RERE: variants seen among roughly 807,000 people sequenced by gnomAD.
The protein encoded by RERE is arginine-glutamic acid dipeptide repeats protein.
Under a neutral mutation model 146.1 loss-of-function variants are expected in RERE, and 40 were observed. The observed-to-expected ratio is 0.27, with a 90% CI of 0.21 to 0.36. The LOEUF is 0.36. RERE is among the 10% of genes least tolerant of loss of function. RERE has a pLI of 1.00. For missense variants in RERE, 1,933 were observed against 2,138.7 expected, an observed-to-expected ratio of 0.90 and a Z score of 1.90; for synonymous variants, 1,003 against 866.0, an observed-to-expected ratio of 1.16 and a Z score of -2.78.
chr1:8,424,340 G>GT (rs918434387), intron 11 of RERE: 2 of 152,288 alleles, frequency 1.3e-5, no homozygotes, highest in Admixed American at 1.3e-4. Context: ...CACTCCCTGT[G>GT]TTTGAGACCC....
chr1:8,727,157 G>A (rs556122864), intron 1 of RERE, among the ~76,000 whole-genome samples: 1 of 149,206 alleles, frequency 6.7e-6, no homozygotes, highest in South Asian at 2.1e-4. Context: ...GGCGCGGGGT[G>A]GGGGGAAAGG....
In RERE at chr1:8,360,370, G is replaced by A; in HGVS notation, c.3137C>T (p.Pro1046Leu). ...GGAGGGGCAGGTCGGAGGGGTGATGGGAGGAGGGCCTCCAGGGACAAAGGG... is the reference window on the plus strand; with the variant it reads ...GGAGGGGCAGGTCGGAGGGGTGATGAGAGGAGGGCCTCCAGGGACAAAGGG... ...QHPFVPGGPP[P>L]ITPPTCPSTS... is the part of the protein sequence containing the mutation. The change falls in exon 18 of 23, where the codon CCC becomes CTC. Residue 1046 changes from proline (P) to leucine (L), a missense_variant. By Grantham distance (98) the Pro-to-Leu change is moderately conservative. Coordinates refer to ENST00000400908, the MANE Select transcript of RERE (RefSeq NM_001042681.2). The A allele has an allele frequency of 6.8e-7, 1 of 1,463,266 alleles. No individual in the cohort carries two copies. The highest frequency in any genetic ancestry group is 9.0e-7 in the Non-Finnish European group (1 of 1,105,708). The allele number at this position is 1,463,266 out of a possible 1,614,324, so 90.6% of individuals were successfully genotyped here. A position where few individuals can be genotyped will look rare whatever the true frequency, so the allele number is the denominator to read the frequency against.
chr1:8,385,608 A>G (rs957517353), intron 12 of RERE, among the ~76,000 whole-genome samples: 3 of 152,058 alleles, frequency 2.0e-5, no homozygotes, highest in African/African-American at 7.2e-5. Context: ...AAACAAAACA[A>G]TGTAACAAAA....
intron 1 of RERE, chr1:8,786,959 G>C (rs1641270342): frequency 3.0e-6 from 2 of 657,938 alleles, no homozygotes; most frequent in Admixed American, 4.9e-5. Context: ...AAAGATCGCA[G>C]TCTAACTTTC....
At chr1:8,753,300 G>T (rs1218784800) in intron 1 of RERE, 2 of 152,068 alleles carry the variant, frequency 1.3e-5, no homozygotes, top group Admixed American at 6.5e-5. Context: ...TTCAGTCATA[G>T]GTAAAATTAA....
At chr1:8,548,340 T>C (rs983147429) in intron 6 of RERE, among the ~76,000 whole-genome samples, 1 of 152,160 alleles carries the variant, frequency 6.6e-6, no homozygotes, top group African/African-American at 2.4e-5. Context: ...ATAGTCCACA[T>C]GCTCTCACAC....
chr1:8,591,536 T>C (rs373528251), intron 4 of RERE, among the ~76,000 whole-genome samples: 2 of 152,162 alleles, frequency 1.3e-5, no homozygotes, highest in South Asian at 2.1e-4. Flanking sequence ...AGCCACCTAA[T>C]GAACCCTGCC....
intron 1 of RERE, among the ~76,000 whole-genome samples, chr1:8,801,856 C>T (rs1486589372): frequency 6.6e-6 from 1 of 152,198 alleles, no homozygotes. Context: ...ACCAAAGAGT[C>T]TGAGACAATT....
intron 12 of RERE, among the ~76,000 whole-genome samples, chr1:8,400,222 ATGTGTG>A (rs1553161719): frequency 1.1e-4 from 16 of 140,152 alleles, no homozygotes; most frequent in African/African-American, 2.6e-4. Flanking sequence ...CCTGTGTCAT[ATGTGTG>A]TGTGTGTGTG....
intron 2 of RERE, among the ~76,000 whole-genome samples, chr1:8,652,359 T>C (rs1647672445): frequency 6.6e-6 from 1 of 152,230 alleles, no homozygotes; most frequent in Non-Finnish European, 1.5e-5. Context: ...ACTGAAACAC[T>C]ACCAGCCTCC....
rs1420891538 is a variant in RERE at position 8,676,671 on chromosome 1, G to A, written c.-144-20230C>T. Among the ~76,000 whole-genome samples, 3 of 152,144 alleles carry A rather than the reference G, an allele frequency of 2.0e-5. No individual in the cohort carries two copies. The East Asian group carries it at 5.8e-4, about 29-fold the overall frequency. On this transcript the variant is annotated intron_variant, in intron 1 of 22. Coordinates refer to ENST00000400908, the MANE Select transcript of RERE (RefSeq NM_001042681.2). ...CTCAATGAGCCCTCATCACAACCCA[G>A]GCTCCAAACTAGGGACAAAGGCAGA... is the stretch of plus-strand genomic sequence containing the variant.
At chr1:8,576,032 A>C (rs893513786) in intron 4 of RERE, among the ~76,000 whole-genome samples, 2 of 152,224 alleles carry the variant, frequency 1.3e-5, no homozygotes, top group African/African-American at 4.8e-5. Context: ...GCATTGAAAC[A>C]AAAGCCAAAA....
At chr1:8,730,645 G>T (rs1640061682) in intron 1 of RERE, among the ~76,000 whole-genome samples, 1 of 152,138 alleles carries the variant, frequency 6.6e-6, no homozygotes, top group South Asian at 2.1e-4. Context: ...GCCCAGTCTG[G>T]TTTTGTTTTT....
chr1:8,372,640 T>TGTCACAACACAGTTTTAC (rs1642085194), intron 12 of RERE, among the ~76,000 whole-genome samples: 1 of 152,154 alleles, frequency 6.6e-6, no homozygotes, highest in African/African-American at 2.4e-5. Context: ...AATCTTCCAC[T>TGTCACAACACAGTTTTAC]GTCACAACAC....
intron 11 of RERE, among the ~76,000 whole-genome samples, chr1:8,436,523 T>TA (rs1395520840): frequency 3.3e-5 from 5 of 151,738 alleles, no homozygotes; most frequent in African/African-American, 9.7e-5. Context: ...AGAAATAAGC[T>TA]AAAAAAAGAA....
chr1:8,764,740 CAGTA>C (rs1486497305), intron 1 of RERE, among the ~76,000 whole-genome samples: 1 of 152,114 alleles, frequency 6.6e-6, no homozygotes, highest in African/African-American at 2.4e-5. Flanking sequence ...AGCAAAGGGC[CAGTA>C]AGCACAAGAC....
At chr1:8,634,529 TAC>T (rs902842944) in intron 2 of RERE, among the ~76,000 whole-genome samples, 19 of 152,208 alleles carry the variant, frequency 1.2e-4, no homozygotes, top group African/African-American at 4.6e-4. Flanking sequence ...TGAAATCTAT[TAC>T]AGTGTCAGCA....
At chr1:8,393,552 C>T (rs1557607605) in intron 12 of RERE, among the ~76,000 whole-genome samples, 1 of 152,148 alleles carries the variant, frequency 6.6e-6, no homozygotes, top group Non-Finnish European at 1.5e-5. Context: ...TCTAACAGCT[C>T]AAGGTGTTTT....
At chr1:8,540,231 G>C (rs1322484426) in intron 7 of RERE, among the ~76,000 whole-genome samples, 3 of 152,072 alleles carry the variant, frequency 2.0e-5, no homozygotes, top group African/African-American at 7.2e-5. Flanking sequence ...GAGTACCTGG[G>C]ACCACAGGTG....
Sources: gnomAD v4.1 joint callset for allele counts (sites outside exome capture counted in the v4.1 genomes callset) on GRCh38, gnomAD v4.1.1 for gene constraint, MANE v1.5 for transcripts, NCBI Gene and HGNC (gene_info 2026-07-23, HGNC 2026-07-21) for gene names.